NRG1: variants seen among roughly 807,000 people sequenced by gnomAD.
The protein encoded by NRG1 is pro-neuregulin-1, membrane-bound isoform.
In NRG1, 18 loss-of-function variants were observed where a neutral mutation model predicts 63.8. That is an observed-to-expected ratio of 0.28 (90% CI 0.19 to 0.42). The LOEUF is 0.42. Ranked by LOEUF, NRG1 falls within the 10% of genes least tolerant of loss-of-function variation. The pLI is 1.00. For synonymous variants in NRG1, 302 were observed against 301.3 expected (o/e 1.00, Z -0.02); for missense variants, 762 against 814.7 (o/e 0.94, Z 0.79).
intron 5 of NRG1, among the ~76,000 whole-genome samples, chr8:32,689,369 T>A (rs1811004452): frequency 6.6e-6 from 1 of 152,056 alleles, no homozygotes; most frequent in Non-Finnish European, 1.5e-5. Flanking sequence ...ATTACCTTTC[T>A]TTCTTAATAT....
intron 1 of NRG1, among the ~76,000 whole-genome samples, chr8:31,789,682 A>T (rs1195452805): frequency 2.6e-5 from 4 of 152,196 alleles, no homozygotes; most frequent in Non-Finnish European, 5.9e-5. Flanking sequence ...CTGACTGCTT[A>T]TGAAACCTCC....
At chr8:31,861,147 C>A (rs1828436721) in intron 1 of NRG1, among the ~76,000 whole-genome samples, 1 of 152,160 alleles carries the variant, frequency 6.6e-6, no homozygotes, top group South Asian at 2.1e-4. Flanking sequence ...TTAGAAATTG[C>A]TGAGATAAGG....
At chr8:32,627,583 T>C (rs1267199168) in intron 5 of NRG1, among the ~76,000 whole-genome samples, 3 of 152,206 alleles carry the variant, frequency 2.0e-5, no homozygotes, top group African/African-American at 7.2e-5. Flanking sequence ...GCTGGGATTA[T>C]AGACGTGAGC....
intron 1 of NRG1, among the ~76,000 whole-genome samples, chr8:32,265,958 A>G (rs1850888763): frequency 6.6e-6 from 1 of 152,196 alleles, no homozygotes; most frequent in Non-Finnish European, 1.5e-5. Flanking sequence ...GAAAGAATGT[A>G]TGTAGCTTAT....
At position 31,790,982 on chromosome 8, in the gene NRG1, G is replaced by A. The variant is rs544029095; in HGVS notation, c.37+151551G>A. On this transcript the variant is annotated intron_variant, in intron 1 of 10. Transcript: ENST00000519301. The stretch of plus-strand genomic sequence containing the variant: ...TCCCAGCACTTTGGGAGGCTGAGGT[G>A]GGCGGATCACTTGAGGTCAGGAGTT... 3.9e-5 allele frequency among the ~76,000 whole-genome samples: 6 copies of A among 152,170 alleles called. No individual in the cohort carries two copies. The East Asian group carries it at 1.2e-3, about 29-fold the overall frequency.
At chr8:32,137,792 C>T (rs898322683) in intron 1 of NRG1, among the ~76,000 whole-genome samples, 2 of 152,170 alleles carry the variant, frequency 1.3e-5, no homozygotes, top group African/African-American at 4.8e-5. Flanking sequence ...TTTTTCCTCC[C>T]TTCTGAGAGT....
At chr8:31,678,151 T>C (rs1807921490) in intron 1 of NRG1, among the ~76,000 whole-genome samples, 1 of 152,046 alleles carries the variant, frequency 6.6e-6, no homozygotes, top group Non-Finnish European at 1.5e-5. Flanking sequence ...GAATTTCCTC[T>C]GACTTACAAG....
At chr8:32,446,012 T>C (rs1235741394) in intron 1 of NRG1, among the ~76,000 whole-genome samples, 4 of 152,118 alleles carry the variant, frequency 2.6e-5, no homozygotes, top group Admixed American at 2.6e-4. Flanking sequence ...AATAAAGGCT[T>C]GAAAGGAAAC....
At chr8:31,916,534 T>A (rs1033244325) in intron 1 of NRG1, among the ~76,000 whole-genome samples, 3 of 152,250 alleles carry the variant, frequency 2.0e-5, no homozygotes, top group Admixed American at 6.5e-5. Flanking sequence ...GGACATGAAC[T>A]CATCCTTTTT....
At chr8:32,525,552 T>G (rs948705512) in intron 1 of NRG1, among the ~76,000 whole-genome samples, 4 of 152,088 alleles carry the variant, frequency 2.6e-5, no homozygotes, top group Non-Finnish European at 4.4e-5. Context: ...ACCACACATT[T>G]ACACGTCTCT....
chr8:31,671,108 C>T (rs563601762), intron 1 of NRG1, among the ~76,000 whole-genome samples: 1 of 151,712 alleles, frequency 6.6e-6, no homozygotes, highest in Non-Finnish European at 1.5e-5. Context: ...GCCTCCAGCT[C>T]CATCTGTGTT....
chr8:32,138,431 T>C (rs1835826378), intron 1 of NRG1, among the ~76,000 whole-genome samples: 1 of 151,742 alleles, frequency 6.6e-6, no homozygotes, highest in South Asian at 2.1e-4. Context: ...GTCAAAGACA[T>C]GCTGCCAATC....
intron 1 of NRG1, among the ~76,000 whole-genome samples, chr8:32,382,904 T>G (rs575081486): frequency 6.6e-6 from 1 of 152,016 alleles, no homozygotes; most frequent in Admixed American, 6.6e-5. Context: ...TTTATATATT[T>G]AAAATAAAAA....
chr8:32,193,469 C>T (rs1842687349), intron 1 of NRG1, among the ~76,000 whole-genome samples: 1 of 152,114 alleles, frequency 6.6e-6, no homozygotes, highest in Admixed American at 6.6e-5. Context: ...TAATGGAGTG[C>T]TGATGCTAAA....
intron 1 of NRG1, among the ~76,000 whole-genome samples, chr8:32,209,714 CT>C (rs1470268111): frequency 0.011 from 140 of 12,596 alleles, 2 homozygotes; most frequent in East Asian, 0.089. Flanking sequence ...CTCTCTTTCC[CT>C]TCCTTCCTTC....
chr8:32,251,556 C>A (rs143835973), intron 1 of NRG1, among the ~76,000 whole-genome samples: 4 of 152,236 alleles, frequency 2.6e-5, no homozygotes, highest in African/African-American at 9.6e-5. Context: ...GACTTATAAT[C>A]CTTTGGGTGT....
At chr8:32,227,804 A>T (rs1188516443) in intron 1 of NRG1, among the ~76,000 whole-genome samples, 2 of 152,178 alleles carry the variant, frequency 1.3e-5, no homozygotes, top group Admixed American at 1.3e-4. Context: ...CCACCACAGC[A>T]TTCCTGATCA....
intron 1 of NRG1, among the ~76,000 whole-genome samples, chr8:31,955,637 G>A (rs1804234334): frequency 6.6e-6 from 1 of 152,176 alleles, no homozygotes; most frequent in Non-Finnish European, 1.5e-5. Context: ...GGGAGCCCTT[G>A]TGACTCCAGG....
intron 1 of NRG1, among the ~76,000 whole-genome samples, chr8:32,507,980 G>A (rs1475288384): frequency 6.6e-6 from 1 of 152,278 alleles, no homozygotes. Flanking sequence ...TTACAGGCAT[G>A]AGCCACCGTA....
Sources: allele counts gnomAD v4.1 joint callset (sites outside exome capture counted in the v4.1 genomes callset), GRCh38; gene constraint gnomAD v4.1.1; transcripts MANE v1.5; gene names NCBI Gene and HGNC (gene_info 2026-07-23, HGNC 2026-07-21).